PCDH15: variants seen among roughly 807,000 people sequenced by gnomAD.
The protein encoded by PCDH15 is protocadherin related 15.
PCDH15 carries 129 observed loss-of-function variants against 178.5 expected under a neutral mutation model. That is an observed-to-expected ratio of 0.72 (90% CI 0.63 to 0.84). The LOEUF (loss-of-function observed/expected upper bound fraction) is 0.84. Ranked by LOEUF, PCDH15 falls within the 40% of genes least tolerant of loss-of-function variation. The pLI, the probability that PCDH15 is intolerant of heterozygous loss-of-function variation, is 0.00. For missense variants in PCDH15, 2,230 were observed against 2,099.9 expected, an observed-to-expected ratio of 1.06 and a Z score of -1.21; for synonymous variants, 800 against 732.0, an observed-to-expected ratio of 1.09 and a Z score of -1.50.
intron 2 of PCDH15, among the ~76,000 whole-genome samples, chr10:55,517,170 G>A (rs1251925580): frequency 6.6e-6 from 1 of 151,944 alleles, no homozygotes; most frequent in Admixed American, 6.6e-5. Flanking sequence ...TAAAAAAACT[G>A]GTAAGTCAAA....
At chr10:54,243,663 C>T (rs549578877) in intron 8 of PCDH15, among the ~76,000 whole-genome samples, 8 of 152,260 alleles carry the variant, frequency 5.3e-5, no homozygotes, top group African/African-American at 1.7e-4. Context: ...TTTTCTCAAA[C>T]ACATTCATAT....
At chr10:54,670,311 G>A (rs568017644) in intron 1 of PCDH15, among the ~76,000 whole-genome samples, 12 of 152,036 alleles carry the variant, frequency 7.9e-5, no homozygotes, top group Middle Eastern at 6.8e-3. Context: ...TATATTTCCC[G>A]AAACCACATG....
chr10:54,112,335 G>A (rs576378192), intron 15 of PCDH15, among the ~76,000 whole-genome samples: 1 of 151,860 alleles, frequency 6.6e-6, no homozygotes, highest in South Asian at 2.1e-4. Context: ...TCCCTTAGTT[G>A]TCAGTATGAT....
At chr10:55,292,339 C>A (rs1360534088) in intron 1 of PCDH15, among the ~76,000 whole-genome samples, 1 of 152,124 alleles carries the variant, frequency 6.6e-6, no homozygotes, top group African/African-American at 2.4e-5. Context: ...AATCTAAAAT[C>A]CAGCAGGGCA....
chr10:53,893,012 A>AG (rs1414973313), intron 26 of PCDH15, among the ~76,000 whole-genome samples: 4 of 152,216 alleles, frequency 2.6e-5, no homozygotes, highest in Non-Finnish European at 5.9e-5. Context: ...AAATATATAA[A>AG]GGAAATCAGA....
At chr10:54,668,044 TTTTGAA>T (rs1313897771) in intron 1 of PCDH15, among the ~76,000 whole-genome samples, 2 of 152,114 alleles carry the variant, frequency 1.3e-5, no homozygotes, top group African/African-American at 4.8e-5. Flanking sequence ...AACATACTAA[TTTTGAA>T]TTTCACATCA....
chr10:55,027,055 G>T (rs1840492955), intron 2 of PCDH15, among the ~76,000 whole-genome samples: 1 of 151,954 alleles, frequency 6.6e-6, no homozygotes, highest in South Asian at 2.1e-4. Flanking sequence ...GTATGTGAAA[G>T]TTGAGTCACA....
intron 2 of PCDH15, among the ~76,000 whole-genome samples, chr10:54,597,342 T>C (rs936615530): frequency 2.0e-5 from 3 of 152,134 alleles, no homozygotes; most frequent in South Asian, 2.1e-4. Context: ...TGTTCCTGAA[T>C]GACTTTTGGG....
At chr10:55,620,837 T>C (rs996963161) in intron 2 of PCDH15, among the ~76,000 whole-genome samples, 1 of 151,438 alleles carries the variant, frequency 6.6e-6, no homozygotes, top group Non-Finnish European at 1.5e-5. Context: ...TAATACTATA[T>C]AAAATACAAC....
chr10:55,571,878 A>C (rs1433714038), intron 2 of PCDH15, among the ~76,000 whole-genome samples: 1 of 152,090 alleles, frequency 6.6e-6, no homozygotes, highest in East Asian at 1.9e-4. Flanking sequence ...CATCGTATGC[A>C]CTGTATCTTT....
intron 25 of PCDH15, among the ~76,000 whole-genome samples, chr10:53,909,439 G>A (rs548985327): frequency 2.6e-5 from 4 of 152,174 alleles, no homozygotes. Context: ...ACTCCCAAGG[G>A]TCCTCTTAAA....
At chr10:54,611,309 T>C (rs1370499368) in intron 2 of PCDH15, among the ~76,000 whole-genome samples, 2 of 151,812 alleles carry the variant, frequency 1.3e-5, no homozygotes, top group Non-Finnish European at 2.9e-5. Flanking sequence ...TCCCTGATAA[T>C]TTAAGTGAAT....
rs73268230 is a variant in PCDH15, at chr10:54,799,296, C to T, written c.-29+1629G>A. The stretch of plus-strand genomic sequence containing the variant: ...ATAAAAAGATACAACACATACCATG[C>T]AAAATTTAAATGTGAACAAATTAAG... On this transcript the variant is annotated intron_variant, in intron 1 of 37. Coordinates refer to ENST00000644397, the MANE Select transcript of PCDH15 (RefSeq NM_001384140.1). 4.0e-3 allele frequency among the ~76,000 whole-genome samples: 613 copies of T among 152,060 alleles called. 1 individual carries two copies. Among genetic ancestry groups the T allele is most frequent in the African/African-American group, 0.014 (563 of 41,478 alleles).
At chr10:55,584,940 T>TA (rs1842696076) in intron 2 of PCDH15, among the ~76,000 whole-genome samples, 1 of 151,386 alleles carries the variant, frequency 6.6e-6, no homozygotes, top group Non-Finnish European at 1.5e-5. Context: ...AGTTTTTTTT[T>TA]AATCCCTGGA....
chr10:54,657,246 G>C (rs2094422604), intron 2 of PCDH15, among the ~76,000 whole-genome samples: 1 of 152,066 alleles, frequency 6.6e-6, no homozygotes, highest in Non-Finnish European at 1.5e-5. Flanking sequence ...CGGCATGATA[G>C]GGAAGCAGAT....
At chr10:54,834,672 ACACT>A (rs1446393569) in intron 3 of PCDH15, among the ~76,000 whole-genome samples, 2 of 152,166 alleles carry the variant, frequency 1.3e-5, no homozygotes, top group Non-Finnish European at 2.9e-5. Flanking sequence ...ATTGAAACAA[ACACT>A]CTATACTATA....
intron 2 of PCDH15, among the ~76,000 whole-genome samples, chr10:55,442,654 A>T (rs1839224009): frequency 6.6e-6 from 1 of 151,150 alleles, no homozygotes; most frequent in African/African-American, 2.4e-5. Context: ...ATTAAGCCAA[A>T]AAAAAGAGAT....
chr10:55,283,841 T>G (rs532407690), intron 1 of PCDH15, among the ~76,000 whole-genome samples: 52 of 152,204 alleles, frequency 3.4e-4, no homozygotes, highest in Non-Finnish European at 6.5e-4. Context: ...GGAAACTAAG[T>G]GGAAAAAGAA....
chr10:54,040,914 C>T (rs2093528806), intron 18 of PCDH15, among the ~76,000 whole-genome samples: 1 of 152,056 alleles, frequency 6.6e-6, no homozygotes, highest in Admixed American at 6.6e-5. Flanking sequence ...TCTAAAACTT[C>T]ATCAATATTA....
Sources: allele counts gnomAD v4.1 joint callset (sites outside exome capture counted in the v4.1 genomes callset), GRCh38; gene constraint gnomAD v4.1.1; transcripts MANE v1.5; gene names NCBI Gene and HGNC (gene_info 2026-07-23, HGNC 2026-07-21).